NBAS: variants seen among roughly 807,000 people sequenced by gnomAD.
NBAS encodes NBAS subunit of NRZ tethering complex.
In NBAS, 219 loss-of-function variants were observed where a neutral mutation model predicts 302.5. The observed-to-expected ratio is 0.72, with a 90% confidence interval of 0.65 to 0.81. The LOEUF is 0.81. Among genes scored for constraint, NBAS ranks in the 30% least tolerant of loss-of-function variants. The probability of loss-of-function intolerance (pLI) is 0.00; values close to 1 mark genes in which losing one functional copy is unlikely to be tolerated. For missense variants in NBAS, 2,932 were observed against 2,841.6 expected, an observed-to-expected ratio of 1.03 and a Z score of -0.72; for synonymous variants, 1,118 against 1,021.6, an observed-to-expected ratio of 1.09 and a Z score of -1.80.
At chr2:14,875,033 A>T in the NBAS span, among the ~76,000 whole-genome samples, 78 of 152,262 alleles carry the variant, frequency 5.1e-4, 1 homozygote, top group African/African-American at 1.9e-3. Context: ...ACAAAAAAAA[A>T]TCTGTAAATA....
intron 3 of NBAS, among the ~76,000 whole-genome samples, chr2:15,555,636 T>C (rs535613047): frequency 2.0e-4 from 30 of 152,240 alleles, no homozygotes; most frequent in African/African-American, 6.0e-4. Context: ...AGAGCACAAA[T>C]TGAACTATAA....
intron 45 of NBAS, among the ~76,000 whole-genome samples, chr2:15,235,616 A>G (rs1028807175): frequency 6.6e-6 from 1 of 152,196 alleles, no homozygotes; most frequent in Non-Finnish European, 1.5e-5. Flanking sequence ...ATTTTTTTCT[A>G]GTGATCATGT....
chr2:14,881,808 A>G, the NBAS span, among the ~76,000 whole-genome samples: 9 of 152,326 alleles, frequency 5.9e-5, no homozygotes, highest in Middle Eastern at 3.4e-3. Flanking sequence ...ATGGTCTCCT[A>G]AAATATTTAC....
chr2:15,422,018 T>C (rs1677238052), intron 23 of NBAS, among the ~76,000 whole-genome samples: 1 of 152,228 alleles, frequency 6.6e-6, no homozygotes, highest in African/African-American at 2.4e-5. Flanking sequence ...CTCTTAGTGC[T>C]GTACATCCCA....
chr2:15,189,674 A>G (rs772674708), intron 49 of NBAS, among the ~76,000 whole-genome samples: 43 of 152,278 alleles, frequency 2.8e-4, no homozygotes, highest in Middle Eastern at 3.4e-3. Context: ...TACGGGTGGC[A>G]GCTGCAACTC....
At chr2:15,407,955 C>G (rs1182182236) in intron 25 of NBAS, among the ~76,000 whole-genome samples, 1 of 152,158 alleles carries the variant, frequency 6.6e-6, no homozygotes, top group Non-Finnish European at 1.5e-5. Flanking sequence ...CACTACTTGT[C>G]TCAAGGCCCC....
At chr2:14,929,711 G>GC in the NBAS span, among the ~76,000 whole-genome samples, 2 of 151,998 alleles carry the variant, frequency 1.3e-5, no homozygotes, top group Non-Finnish European at 2.9e-5. Context: ...CCAGAGAATA[G>GC]CCCATGAGAA....
intron 35 of NBAS, among the ~76,000 whole-genome samples, chr2:15,335,435 T>C (rs1428580052): frequency 6.6e-6 from 1 of 152,228 alleles, no homozygotes; most frequent in Non-Finnish European, 1.5e-5. Flanking sequence ...CTAAAGTGGT[T>C]ATTACACTAG....
At chr2:14,797,310 G>C in the NBAS span, among the ~76,000 whole-genome samples, 6 of 152,260 alleles carry the variant, frequency 3.9e-5, no homozygotes, top group African/African-American at 1.4e-4. Flanking sequence ...TGCAGGAAAA[G>C]ATCTTGCGAC....
chr2:15,123,944 C>T, the NBAS span, among the ~76,000 whole-genome samples: 3 of 152,116 alleles, frequency 2.0e-5, no homozygotes, highest in South Asian at 2.1e-4. Context: ...TGGGCAGAGG[C>T]TAGAAGAGTT....
At chr2:15,244,403 C>A (rs140844953) in intron 44 of NBAS, among the ~76,000 whole-genome samples, 1 of 152,120 alleles carries the variant, frequency 6.6e-6, no homozygotes, top group East Asian at 1.9e-4. Context: ...CAAAGGATAA[C>A]AAGGTTGCTC....
the NBAS span, among the ~76,000 whole-genome samples, chr2:14,837,903 T>C: frequency 6.6e-6 from 1 of 151,920 alleles, no homozygotes; most frequent in Non-Finnish European, 1.5e-5. Flanking sequence ...GCTAGTCTCC[T>C]ACTGGAAAAT....
intron 51 of NBAS, chr2:15,178,219 T>C (rs890414553): frequency 7.1e-5 from 33 of 463,116 alleles, no homozygotes; most frequent in African/African-American, 5.8e-4. Context: ...TATGTATATA[T>C]ACAATGTAAA....
chr2:15,059,964 CAAAAAAAAA>C, the NBAS span, among the ~76,000 whole-genome samples: 2 of 112,710 alleles, frequency 1.8e-5, no homozygotes, highest in Non-Finnish European at 2.0e-5. Flanking sequence ...AAAAAAAAAA[CAAAAAAAAA>C]AACAAAAAAA....
At chr2:15,173,362 C>T (rs972614148) in intron 51 of NBAS, among the ~76,000 whole-genome samples, 7 of 152,120 alleles carry the variant, frequency 4.6e-5, no homozygotes, top group African/African-American at 1.7e-4. Flanking sequence ...ATGAGGAAAG[C>T]TGAAATTCCA....
At chr2:14,917,077 A>T in the NBAS span, among the ~76,000 whole-genome samples, 2 of 152,244 alleles carry the variant, frequency 1.3e-5, no homozygotes, top group Non-Finnish European at 2.9e-5. Flanking sequence ...AAATGAATGT[A>T]TTAGCTATCT....
At chr2:15,263,452 C>T (rs938055889) in intron 44 of NBAS, among the ~76,000 whole-genome samples, 6 of 150,050 alleles carry the variant, frequency 4.0e-5, no homozygotes, top group African/African-American at 1.3e-4. Context: ...TGACAACTTA[C>T]GTCTAACTGA....
the NBAS span, among the ~76,000 whole-genome samples, chr2:14,910,586 G>A: frequency 4.6e-5 from 7 of 152,220 alleles, no homozygotes; most frequent in African/African-American, 1.7e-4. Context: ...GCCCGGTGCA[G>A]GCCATGCCAC....
At chr2:14,872,679 T>G in the NBAS span, among the ~76,000 whole-genome samples, 1 of 152,162 alleles carries the variant, frequency 6.6e-6, no homozygotes, top group African/African-American at 2.4e-5. Context: ...TGTTCATTCC[T>G]CCGGGTGAGT....
Sources: allele counts gnomAD v4.1 joint callset (sites outside exome capture counted in the v4.1 genomes callset), GRCh38; gene constraint gnomAD v4.1.1; transcripts MANE v1.5; gene names NCBI Gene and HGNC (gene_info 2026-07-23, HGNC 2026-07-21).